WDR7: variants seen among roughly 807,000 people sequenced by gnomAD.
The protein encoded by WDR7 is WD repeat-containing protein 7.
A neutral mutation model predicts 169.4 loss-of-function variants in WDR7; 46 were observed. The ratio of observed to expected loss-of-function variants is 0.27; its 90% CI spans 0.21 to 0.35. The LOEUF is 0.35. Ranked by LOEUF, WDR7 falls within the 10% of genes least tolerant of loss-of-function variation. The pLI, the probability that WDR7 is intolerant of heterozygous loss-of-function variation, is 1.00. For missense variants in WDR7, 1,534 were observed against 1,859.3 expected (o/e 0.83, Z 3.22); for synonymous variants, 612 against 666.8 (o/e 0.92, Z 1.27).
intron 20 of WDR7, 42 bp from the exon 21 acceptor site, chr18:56,879,902 A>G: frequency 2.7e-6 from 4 of 1,491,526 alleles, no homozygotes; most frequent in Non-Finnish European, 2.8e-6. Flanking sequence ...CTTTTTGTAT[A>G]TTGATTTGTT....
At chr18:56,875,173 G>C (rs2046006480) in intron 20 of WDR7, among the ~76,000 whole-genome samples, 1 of 152,084 alleles carries the variant, frequency 6.6e-6, no homozygotes. Context: ...TTTGTTACCA[G>C]GGTTGTTTTG....
At chr18:56,671,338 G>A (rs2025130593) in intron 1 of WDR7, among the ~76,000 whole-genome samples, 1 of 150,150 alleles carries the variant, frequency 6.7e-6, no homozygotes, top group Non-Finnish European at 1.5e-5. Context: ...GCTCAGGCTG[G>A]AGTGCAATGG....
intron 25 of WDR7, among the ~76,000 whole-genome samples, chr18:56,953,172 C>T (rs538766456): frequency 1.3e-5 from 2 of 152,092 alleles, no homozygotes; most frequent in Admixed American, 6.6e-5. Context: ...ACTCTCTCCT[C>T]ATTTTGCTTT....
At chr18:56,766,349 C>A (rs1347309446) in intron 16 of WDR7, among the ~76,000 whole-genome samples, 2 of 151,976 alleles carry the variant, frequency 1.3e-5, no homozygotes, top group Non-Finnish European at 2.9e-5. Context: ...CCTTTCCTCC[C>A]TCCTCTCTCT....
chr18:56,854,729 A>G (rs1419276136), intron 20 of WDR7, among the ~76,000 whole-genome samples: 1 of 152,166 alleles, frequency 6.6e-6, no homozygotes, highest in African/African-American at 2.4e-5. Context: ...ATGACCTACA[A>G]TTAGACAAAG....
chr18:56,930,322 G>T (rs561672527), intron 22 of WDR7, among the ~76,000 whole-genome samples: 29 of 152,308 alleles, frequency 1.9e-4, no homozygotes, highest in African/African-American at 7.0e-4. Context: ...AATTTTGGGG[G>T]TGAGGAGTGG....
chr18:56,808,356 G>T (rs1191744839), intron 19 of WDR7, among the ~76,000 whole-genome samples: 2 of 152,158 alleles, frequency 1.3e-5, no homozygotes, highest in African/African-American at 4.8e-5. Context: ...AACCACAGTT[G>T]TGAGGAACTG....
chr18:56,947,687 G>C (rs2047125190), intron 25 of WDR7, among the ~76,000 whole-genome samples: 1 of 152,214 alleles, frequency 6.6e-6, no homozygotes, highest in Non-Finnish European at 1.5e-5. Context: ...GATCAATGCT[G>C]ACTGGTGTTA....
At chr18:56,875,679 G>C (rs1340025319) in intron 20 of WDR7, among the ~76,000 whole-genome samples, 1 of 152,032 alleles carries the variant, frequency 6.6e-6, no homozygotes, top group Non-Finnish European at 1.5e-5. Context: ...CTGTTTTTTC[G>C]ATCCAGAAAG....
downstream of WDR7, chr18:57,031,148 GT>G (rs1213981947): frequency 1.3e-5 from 2 of 152,096 alleles, no homozygotes; most frequent in Non-Finnish European, 2.9e-5. Context: ...TCAGAATTTG[GT>G]TTTGCAATTC....
intron 20 of WDR7, among the ~76,000 whole-genome samples, chr18:56,844,017 C>G (rs2045528320): frequency 6.6e-6 from 1 of 151,966 alleles, no homozygotes; most frequent in Non-Finnish European, 1.5e-5. Flanking sequence ...CATACACCAC[C>G]ACGCCTGGCT....
chr18:56,840,711 C>G (rs1290031290), intron 20 of WDR7, among the ~76,000 whole-genome samples: 1 of 151,526 alleles, frequency 6.6e-6, no homozygotes, highest in Non-Finnish European at 1.5e-5. Flanking sequence ...CCCAGCTACT[C>G]TGGAGGCTAC....
intron 21 of WDR7, among the ~76,000 whole-genome samples, chr18:56,888,831 G>GC (rs969480333): frequency 2.6e-5 from 4 of 152,168 alleles, no homozygotes; most frequent in Admixed American, 2.0e-4. Context: ...AGATTTGTGT[G>GC]CAGGGGTATT....
In WDR7 at chr18:56,935,850, T is replaced by G; in HGVS notation, c.3776T>G (p.Leu1259Arg). Residue 1259 changes from leucine (L) to arginine (R), a missense_variant, in exon 23 of 28, where the codon CTC becomes CGC. Physicochemically the swap from Leu to Arg is moderately radical, Grantham distance 102. Coordinates refer to ENST00000254442, the MANE Select transcript of WDR7 (RefSeq NM_015285.3). ...ADSARSARHALSLIATARPPA... is the reference protein window; with the variant it reads ...ADSARSARHARSLIATARPPA... ...TCGGCCCGCTCTGCGAGGCATGCCC[T>G]CTCGCTCATTGCCACCGCCAGACCA... 1 of 1,614,158 alleles carries G rather than the reference T, an allele frequency of 6.2e-7. No individual in the cohort carries two copies. Among genetic ancestry groups the G allele is most frequent in the Non-Finnish European group, 8.5e-7 (1 of 1,180,012 alleles).
intron 21 of WDR7, among the ~76,000 whole-genome samples, chr18:56,917,421 A>G (rs562146650): frequency 2.6e-5 from 4 of 152,344 alleles, no homozygotes; most frequent in African/African-American, 9.6e-5. Context: ...GTGTTTTCCT[A>G]TAACAGGCAT....
At chr18:56,656,279 G>GTT (rs1217856567) in intron 1 of WDR7, among the ~76,000 whole-genome samples, 42 of 132,624 alleles carry the variant, frequency 3.2e-4, no homozygotes, top group African/African-American at 7.2e-4. Context: ...TACTGTCACT[G>GTT]TTTTTTTTTT....
intron 18 of WDR7, 136 bp downstream of exon 18, chr18:56,779,685 A>G: frequency 1.4e-6 from 1 of 693,914 alleles, no homozygotes; most frequent in East Asian, 2.9e-5. Context: ...TGGATTCATG[A>G]TTTATGTTTT....
intron 26 of WDR7, among the ~76,000 whole-genome samples, chr18:57,018,068 C>G (rs1366591781): frequency 1.3e-5 from 2 of 152,220 alleles, no homozygotes; most frequent in Non-Finnish European, 2.9e-5. Context: ...TTGTAACATG[C>G]TTTGGACCTG....
At chr18:56,722,393 A>G (rs1480171274) in intron 13 of WDR7, among the ~76,000 whole-genome samples, 1 of 152,144 alleles carries the variant, frequency 6.6e-6, no homozygotes, top group Non-Finnish European at 1.5e-5. Context: ...TTCTTCACGT[A>G]TTTGACCCTT....
Sources: gnomAD v4.1 joint callset for allele counts (sites outside exome capture counted in the v4.1 genomes callset) on GRCh38, gnomAD v4.1.1 for gene constraint, MANE v1.5 for transcripts, NCBI Gene and HGNC (gene_info 2026-07-23, HGNC 2026-07-21) for gene names.